KCNMB3: variants seen among roughly 807,000 people sequenced by gnomAD.
The protein encoded by KCNMB3 is potassium calcium-activated channel subfamily M regulatory beta subunit 3, also known as calcium-activated potassium channel subunit beta-3.
KCNMB3 carries 18 observed loss-of-function variants against 11.9 expected under a neutral mutation model. The ratio of observed to expected loss-of-function variants is 1.51; its 90% CI spans 1.04 to 2.23. KCNMB3 has a LOEUF of 2.23. KCNMB3 is among the 30% of genes most tolerant of loss of function. The pLI is 0.00. For missense variants in KCNMB3, 247 were observed against 329.4 expected, an observed-to-expected ratio of 0.75 and a Z score of 1.94; for synonymous variants, 78 against 119.2, an observed-to-expected ratio of 0.65 and a Z score of 2.25.
At chr3:179,241,929 T>C (rs542368158), downstream of KCNMB3, 3 of 154,140 alleles carry the variant, frequency 1.9e-5, no homozygotes, top group Admixed American at 6.5e-5. Context: ...TTCTGGCCCA[T>C]TTTTCCCACC....
chr3:179,263,156 G>A (rs889904943), intron 1 of KCNMB3, among the ~76,000 whole-genome samples: 1 of 152,228 alleles, frequency 6.6e-6, no homozygotes, highest in Non-Finnish European at 1.5e-5. Context: ...GAGGCGGGGG[G>A]AGGCTCAGGT....
At chr3:179,264,268 T>G (rs1210408850) in intron 1 of KCNMB3, among the ~76,000 whole-genome samples, 1 of 152,240 alleles carries the variant, frequency 6.6e-6, no homozygotes, top group Non-Finnish European at 1.5e-5. Context: ...ATGCCATATT[T>G]CCTTAACCAT....
upstream of KCNMB3, among the ~76,000 whole-genome samples, chr3:179,251,891 T>G (rs1263123611): frequency 6.6e-6 from 1 of 152,116 alleles, no homozygotes. Context: ...CCAGCTAATT[T>G]TTGTATTTTA....
At chr3:179,263,140 C>A (rs1726273546) in intron 1 of KCNMB3, among the ~76,000 whole-genome samples, 1 of 152,212 alleles carries the variant, frequency 6.6e-6, no homozygotes, top group South Asian at 2.1e-4. Context: ...GGCACAGGAG[C>A]CCACGGAGGC....
chr3:179,248,811 T>TTGTA lies in KCNMB3; in HGVS notation c.248+1928_248+1931dup, dbSNP rs796711289. 3.1e-4 allele frequency among the ~76,000 whole-genome samples: 47 copies of TTGTA among 152,116 alleles called. 2 individuals carry two copies. The highest frequency in any genetic ancestry group is 3.4e-3 in the Middle Eastern group (1 of 294). The stretch of plus-strand genomic sequence containing the variant: ...AATAAACAGTTGATTAAGACATATT[T>TTGTA]TGTATGTTTATATGTATTATATACT... On this transcript the variant is annotated intron_variant, in intron 1 of 2. Transcript: ENST00000392685.
exon 1 of KCNMB3, chr3:179,266,909 G>A: frequency 2.8e-6 from 4 of 1,418,394 alleles, no homozygotes; most frequent in Non-Finnish European, 3.7e-6. Context: ...TGGTTCTGCA[G>A]ACTCCTGGCA....
chr3:179,265,907 T>A (rs1486962086), intron 1 of KCNMB3, among the ~76,000 whole-genome samples: 1 of 152,228 alleles, frequency 6.6e-6, no homozygotes, highest in Non-Finnish European at 1.5e-5. Flanking sequence ...TTGCTTTTCA[T>A]TTCCCTGGGG....
At chr3:179,251,570 C>T, upstream of KCNMB3, 1 of 1,272,046 alleles carries the variant, frequency 7.9e-7, no homozygotes, top group African/African-American at 1.8e-5. Context: ...TCCACTGTGC[C>T]TGCAAACCTG....
chr3:179,260,106 C>T, intron 1 of KCNMB3: 1 of 1,606,352 alleles, frequency 6.2e-7, no homozygotes, highest in Non-Finnish European at 8.5e-7. Context: ...TGTGTCATCA[C>T]TATGCCCTAA....
At chr3:179,245,068 C>T (rs1331500790) in intron 1 of KCNMB3, among the ~76,000 whole-genome samples, 2 of 152,146 alleles carry the variant, frequency 1.3e-5, no homozygotes, top group Non-Finnish European at 2.9e-5. Context: ...TGACTTGAGG[C>T]CCAGGAATCT....
intron 1 of KCNMB3, among the ~76,000 whole-genome samples, chr3:179,258,493 T>C (rs1157702636): frequency 1.6e-4 from 24 of 152,248 alleles, no homozygotes; most frequent in Admixed American, 1.2e-3. Context: ...GTGACCTATT[T>C]GCTATTTGGC....
At chr3:179,259,282 C>G in intron 1 of KCNMB3, 1 of 1,548,016 alleles carries the variant, frequency 6.5e-7, no homozygotes, top group Middle Eastern at 1.7e-4. Context: ...TGATCTGCAT[C>G]TTCGCTCTCT....
chr3:179,250,695 G>C (rs1267680616), intron 1 of KCNMB3, 48 bp downstream of exon 1: 1 of 1,589,594 alleles, frequency 6.3e-7, no homozygotes, highest in African/African-American at 1.3e-5. Context: ...GCTGTGCCTG[G>C]ATCTTATCTG....
intron 1 of KCNMB3, among the ~76,000 whole-genome samples, chr3:179,264,170 C>CT (rs1045134526): frequency 1.3e-4 from 20 of 152,096 alleles, no homozygotes; most frequent in African/African-American, 4.6e-4. Context: ...TTAATCTTAT[C>CT]TTTTTCACTT....
chr3:179,251,333 A>G (rs1021051725), upstream of KCNMB3: 5 of 1,439,668 alleles, frequency 3.5e-6, no homozygotes, highest in South Asian at 3.0e-5. Context: ...GAATGACTCA[A>G]AAAGTTCACA....
At chr3:179,253,142 CT>C (rs1285478834), upstream of KCNMB3, among the ~76,000 whole-genome samples, 1 of 152,148 alleles carries the variant, frequency 6.6e-6, no homozygotes, top group Non-Finnish European at 1.5e-5. Flanking sequence ...TGCATTTTCC[CT>C]TGTGCTCTAA....
At chr3:179,248,345 A>C (rs1725714167) in intron 1 of KCNMB3, among the ~76,000 whole-genome samples, 1 of 152,220 alleles carries the variant, frequency 6.6e-6, no homozygotes, top group Non-Finnish European at 1.5e-5. Context: ...ACTAAAGTTG[A>C]CCCTTGAACA....
At chr3:179,263,339 G>C (rs1439456924) in intron 1 of KCNMB3, among the ~76,000 whole-genome samples, 2 of 150,866 alleles carry the variant, frequency 1.3e-5, no homozygotes, top group Non-Finnish European at 3.0e-5. Context: ...CCTGGAACTC[G>C]GACTGGCCCG....
At chr3:179,264,721 A>G (rs9875304) in intron 1 of KCNMB3, among the ~76,000 whole-genome samples, 16,172 of 152,218 alleles carry the variant, frequency 0.11, 1,189 homozygotes, top group African/African-American at 0.21. Context: ...TTTTGCAAGA[A>G]GTATTCCTTA....
Sources: allele counts gnomAD v4.1 joint callset (sites outside exome capture counted in the v4.1 genomes callset), GRCh38; gene constraint gnomAD v4.1.1; transcripts MANE v1.5; gene names NCBI Gene and HGNC (gene_info 2026-07-23, HGNC 2026-07-21).